Variants in PALS1 observed in about 807,000 individuals in gnomAD.
The protein encoded by PALS1 is protein PALS1.
A neutral mutation model predicts 78.9 loss-of-function variants in PALS1; 31 were observed. The observed-to-expected ratio is 0.39, with a 90% confidence interval of 0.30 to 0.53. The LOEUF is 0.53. Ranked by LOEUF, PALS1 falls within the 20% of genes least tolerant of loss-of-function variation. The pLI is 0.67. For synonymous variants in PALS1, 276 were observed against 270.9 expected (o/e 1.02, Z -0.18); for missense variants, 704 against 826.5 (o/e 0.85, Z 1.82).
intron 8 of PALS1, among the ~76,000 whole-genome samples, chr14:67,309,737 A>G (rs1483393833): frequency 6.6e-6 from 1 of 152,208 alleles, no homozygotes; most frequent in Non-Finnish European, 1.5e-5. Context: ...TAATTACCCA[A>G]GGAACCTGAT....
At chr14:67,267,321 C>T (rs1469619240) in intron 1 of PALS1, among the ~76,000 whole-genome samples, 1 of 151,842 alleles carries the variant, frequency 6.6e-6, no homozygotes, top group African/African-American at 2.4e-5. Flanking sequence ...TGCAATGGTG[C>T]AATCTTGGCT....
intron 4 of PALS1, among the ~76,000 whole-genome samples, chr14:67,296,579 C>A (rs1201588133): frequency 1.1e-5 from 1 of 89,768 alleles, no homozygotes; most frequent in Admixed American, 1.7e-4. Context: ...GAGTGAAACT[C>A]TGTCTCAAAA....
At chr14:67,326,755 T>A (rs532289524) in intron 14 of PALS1, among the ~76,000 whole-genome samples, 1 of 152,244 alleles carries the variant, frequency 6.6e-6, no homozygotes, top group Non-Finnish European at 1.5e-5. Context: ...TGGCTTTTGA[T>A]CAACATGTTT....
intron 3 of PALS1, among the ~76,000 whole-genome samples, chr14:67,287,837 G>A (rs1413048116): frequency 6.6e-6 from 1 of 152,226 alleles, no homozygotes; most frequent in Non-Finnish European, 1.5e-5. Context: ...CCGAAAGGTA[G>A]AAGTACAGGT....
chr14:67,253,169 T>C (rs2084091691), intron 1 of PALS1, among the ~76,000 whole-genome samples: 1 of 152,226 alleles, frequency 6.6e-6, no homozygotes, highest in South Asian at 2.1e-4. Context: ...TGATTCCTTA[T>C]CTGCAGAATG....
At chr14:67,303,283 A>G (rs137988541) in intron 7 of PALS1, among the ~76,000 whole-genome samples, 246 of 152,320 alleles carry the variant, frequency 1.6e-3, no homozygotes, top group African/African-American at 5.7e-3. Flanking sequence ...GTTATTCAGC[A>G]TCTGTTATTA....
At chr14:67,252,939 ATGTTCT>A (rs1228460959) in intron 1 of PALS1, among the ~76,000 whole-genome samples, 1 of 152,196 alleles carries the variant, frequency 6.6e-6, no homozygotes, top group African/African-American at 2.4e-5. Flanking sequence ...ACACTTTCAC[ATGTTCT>A]TGATTAGCTT....
chr14:67,263,980 C>G (rs117973652), intron 1 of PALS1, among the ~76,000 whole-genome samples: 1 of 152,122 alleles, frequency 6.6e-6, no homozygotes, highest in African/African-American at 2.4e-5. Context: ...CCACTATAGC[C>G]GTGAACTCCT....
At chr14:67,256,381 A>G (rs1458819575) in intron 1 of PALS1, among the ~76,000 whole-genome samples, 1 of 152,228 alleles carries the variant, frequency 6.6e-6, no homozygotes, top group Non-Finnish European at 1.5e-5. Context: ...AAGTAGAAAG[A>G]TCAGACTAGT....
At chr14:67,319,937 C>T (rs967187742) in intron 11 of PALS1, among the ~76,000 whole-genome samples, 4 of 152,106 alleles carry the variant, frequency 2.6e-5, no homozygotes, top group African/African-American at 4.8e-5. Context: ...TCCCTGGTAC[C>T]GCATCCTTAT....
intron 13 of PALS1, among the ~76,000 whole-genome samples, chr14:67,323,039 A>G (rs915169001): frequency 2.0e-5 from 3 of 152,174 alleles, no homozygotes; most frequent in Non-Finnish European, 4.4e-5. Context: ...TAATTGCTCC[A>G]AAATTGATTT....
chr14:67,252,360 G>C (rs962043939), intron 1 of PALS1, among the ~76,000 whole-genome samples: 8 of 152,024 alleles, frequency 5.3e-5, no homozygotes, highest in Admixed American at 2.6e-4. Context: ...TTGCTGAGCT[G>C]CCCAGGCTGG....
rs370275702 is a variant in PALS1 at position 67,301,983 on chromosome 14, G to A, written c.666G>A (p.Leu222=). 1.3e-5 allele frequency: 20 copies of A among 1,585,524 alleles called. 1 individual carries two copies. Among genetic ancestry groups the A allele is most frequent in the Non-Finnish European group, 1.7e-5 (20 of 1,170,220 alleles). ...LNTPHIQALL[L]AHDKVAEQEM... ...TTTCTTTGAAACAGGCACTTTTACT[G>A]GCCCACGATAAGGTTGCTGAGCAGG... Residue 222 remains leucine (L), a synonymous_variant, in exon 6 of 15, where the codon CTG becomes CTA. Transcript: ENST00000261681.
At chr14:67,268,373 C>T (rs2084362010) in intron 1 of PALS1, among the ~76,000 whole-genome samples, 1 of 152,298 alleles carries the variant, frequency 6.6e-6, no homozygotes, top group African/African-American at 2.4e-5. Flanking sequence ...AGAGAGGGTT[C>T]TTGGATCTTG....
chr14:67,284,586 A>AAC (rs2084655724), intron 3 of PALS1, among the ~76,000 whole-genome samples: 16 of 140,502 alleles, frequency 1.1e-4, no homozygotes, highest in African/African-American at 3.5e-4. Context: ...AAAAAAAAAA[A>AAC]AAGGTTGTGC....
intron 3 of PALS1, among the ~76,000 whole-genome samples, chr14:67,281,205 G>T (rs1292824064): frequency 6.6e-6 from 1 of 151,848 alleles, no homozygotes; most frequent in African/African-American, 2.4e-5. Flanking sequence ...CTCAAGTCTG[G>T]AGCAGTTTCT....
chr14:67,292,491 A>AT lies in PALS1; in HGVS notation c.368-20_368-19insT. 6.6e-7 allele frequency: 1 copy of AT among 1,506,256 alleles called. No individual in the cohort carries two copies. Among genetic ancestry groups the AT allele is most frequent in the Non-Finnish European group, 9.2e-7 (1 of 1,086,928 alleles). The allele number at this position is 1,506,256 out of a possible 1,614,324, so 93.3% of individuals were successfully genotyped here. ...ATACTGAAACAGTTAATTTTTGGAT[A>AT]CCTTTTCTTCTTCTACTAGAAATAG... On this transcript the variant is annotated intron_variant, in intron 3 of 14. Transcript: ENST00000261681.
chr14:67,332,471 T>TA (rs1566588914), intron 14 of PALS1, among the ~76,000 whole-genome samples: 3 of 152,228 alleles, frequency 2.0e-5, no homozygotes, highest in Non-Finnish European at 2.9e-5. Flanking sequence ...CAAATGTTTG[T>TA]AGGGAAACAG....
intron 1 of PALS1, among the ~76,000 whole-genome samples, chr14:67,267,359 A>G (rs2084345030): frequency 6.6e-6 from 1 of 151,996 alleles, no homozygotes; most frequent in African/African-American, 2.4e-5. Flanking sequence ...CCCAGGTTCA[A>G]GTGATTCTCC....
Sources: allele counts gnomAD v4.1 joint callset (sites outside exome capture counted in the v4.1 genomes callset), GRCh38; gene constraint gnomAD v4.1.1; transcripts MANE v1.5; gene names NCBI Gene and HGNC (gene_info 2026-07-23, HGNC 2026-07-21).